MAGI2: variants seen among roughly 807,000 people sequenced by gnomAD.
MAGI2 encodes membrane associated guanylate kinase, WW and PDZ domain containing 2, also known as membrane-associated guanylate kinase, WW and PDZ domain-containing protein 2.
In MAGI2, 35 loss-of-function variants were observed where a neutral mutation model predicts 133.3. The ratio of observed to expected loss-of-function variants is 0.26; its 90% CI spans 0.20 to 0.35. The LOEUF is 0.35. MAGI2 is among the 10% of genes least tolerant of loss of function. The pLI is 1.00. For missense variants in MAGI2, 1,636 were observed against 1,863.4 expected, an observed-to-expected ratio of 0.88 and a Z score of 2.25; for synonymous variants, 729 against 710.6, an observed-to-expected ratio of 1.03 and a Z score of -0.41.
At chr7:78,237,593 A>G (rs1430777608) in intron 10 of MAGI2, among the ~76,000 whole-genome samples, 1 of 152,184 alleles carries the variant, frequency 6.6e-6, no homozygotes, top group Non-Finnish European at 1.5e-5. Flanking sequence ...GAAACTTACC[A>G]CAAACAACAA....
chr7:79,435,969 A>T (rs138706926), intron 1 of MAGI2, among the ~76,000 whole-genome samples: 1 of 152,100 alleles, frequency 6.6e-6, no homozygotes, highest in Admixed American at 6.5e-5. Context: ...AAAGCTTCAC[A>T]CCTATACCAA....
intron 9 of MAGI2, among the ~76,000 whole-genome samples, chr7:78,316,808 T>G (rs1787454904): frequency 6.6e-6 from 1 of 152,182 alleles, no homozygotes; most frequent in Non-Finnish European, 1.5e-5. Flanking sequence ...TTTTATAAAC[T>G]ATATAGGACA....
At chr7:78,441,355 G>A (rs1441924144) in intron 6 of MAGI2, among the ~76,000 whole-genome samples, 2 of 152,194 alleles carry the variant, frequency 1.3e-5, no homozygotes, top group Non-Finnish European at 2.9e-5. Flanking sequence ...ATAGAAATTT[G>A]TGGGGTAAAG....
At chr7:78,998,369 A>G (rs1783945180) in intron 2 of MAGI2, among the ~76,000 whole-genome samples, 1 of 152,168 alleles carries the variant, frequency 6.6e-6, no homozygotes, top group South Asian at 2.1e-4. Flanking sequence ...TCAGAAAACC[A>G]CAGGATTTTA....
At chr7:79,040,738 C>T (rs1460448296) in intron 1 of MAGI2, among the ~76,000 whole-genome samples, 1 of 152,126 alleles carries the variant, frequency 6.6e-6, no homozygotes, top group African/African-American at 2.4e-5. Flanking sequence ...CCCCCGCTTG[C>T]ACTCACTCCA....
chr7:79,278,304 AT>A (rs1585408821), intron 1 of MAGI2, among the ~76,000 whole-genome samples: 1 of 152,274 alleles, frequency 6.6e-6, no homozygotes, highest in East Asian at 1.9e-4. Flanking sequence ...AGCCAAACAG[AT>A]GCTGGTGCCA....
intron 2 of MAGI2, among the ~76,000 whole-genome samples, chr7:78,658,155 A>G (rs1158213419): frequency 6.6e-6 from 1 of 152,188 alleles, no homozygotes; most frequent in Non-Finnish European, 1.5e-5. Context: ...TACAAGTTCA[A>G]TTACACAGAA....
intron 2 of MAGI2, among the ~76,000 whole-genome samples, chr7:78,699,178 T>TGGCTCAATGCAATCTCTGCCTTGCG (rs1817816323): frequency 1.3e-5 from 2 of 152,126 alleles, no homozygotes; most frequent in South Asian, 4.2e-4. Context: ...GGCATGATCT[T>TGGCTCAATGCAATCTCTGCCTTGCG]GGCTCAATGC....
intron 1 of MAGI2, among the ~76,000 whole-genome samples, chr7:79,200,013 T>C (rs952402792): frequency 1.3e-5 from 2 of 151,826 alleles, no homozygotes; most frequent in Non-Finnish European, 2.9e-5. Context: ...TTGAGAGACA[T>C]GGACACCGAG....
intron 1 of MAGI2, among the ~76,000 whole-genome samples, chr7:79,075,864 A>G (rs1815417318): frequency 6.6e-6 from 1 of 152,200 alleles, no homozygotes; most frequent in African/African-American, 2.4e-5. Context: ...GTTGTAAACA[A>G]CACCACATAA....
chr7:79,152,840 C>A (rs975564536), intron 1 of MAGI2, among the ~76,000 whole-genome samples: 9 of 152,172 alleles, frequency 5.9e-5, no homozygotes, highest in Admixed American at 1.3e-4. Context: ...GAACTTTCAT[C>A]TCTATCTCCA....
At chr7:78,023,228 A>G (rs1427040684) in intron 21 of MAGI2, among the ~76,000 whole-genome samples, 7 of 152,224 alleles carry the variant, frequency 4.6e-5, no homozygotes, top group Non-Finnish European at 1.0e-4. Flanking sequence ...CTGGACAGGA[A>G]GAGCCCTTCT....
chr7:78,412,224 T>C (rs1389370483), intron 6 of MAGI2, among the ~76,000 whole-genome samples: 1 of 152,034 alleles, frequency 6.6e-6, no homozygotes, highest in Non-Finnish European at 1.5e-5. Flanking sequence ...AGAAGGGTTA[T>C]GAGTTAGCTT....
intron 2 of MAGI2, among the ~76,000 whole-genome samples, chr7:78,665,596 A>G (rs149619291): frequency 0.03 from 4,610 of 152,264 alleles, 90 homozygotes; most frequent in Non-Finnish European, 0.046. Context: ...CTTGAAAACT[A>G]TGCTGTTTGG....
chr7:78,133,746 C>T (rs960650619), intron 17 of MAGI2, among the ~76,000 whole-genome samples: 3 of 152,170 alleles, frequency 2.0e-5, no homozygotes, highest in Non-Finnish European at 4.4e-5. Flanking sequence ...AGATTTTCAG[C>T]GAGCAATCTT....
intron 11 of MAGI2, among the ~76,000 whole-genome samples, chr7:78,199,926 G>T (rs1028660335): frequency 1.3e-5 from 2 of 152,168 alleles, no homozygotes; most frequent in Non-Finnish European, 2.9e-5. Context: ...TGATGAGGTC[G>T]CAAGGTTCCT....
At chr7:79,422,119 C>T (rs191491428) in intron 1 of MAGI2, among the ~76,000 whole-genome samples, 1 of 152,024 alleles carries the variant, frequency 6.6e-6, no homozygotes, top group African/African-American at 2.4e-5. Context: ...TTGGTCAATT[C>T]TGAAATGGTA....
intron 2 of MAGI2, among the ~76,000 whole-genome samples, chr7:78,696,924 C>G (rs534675893): frequency 3.4e-4 from 51 of 152,130 alleles, no homozygotes; most frequent in Non-Finnish European, 5.9e-4. Flanking sequence ...TTCTAGAGAC[C>G]ACCAATCCAG....
intron 4 of MAGI2, 101 bp downstream of exon 4, chr7:78,521,329 C>T: frequency 1.4e-6 from 1 of 719,378 alleles, no homozygotes; most frequent in East Asian, 2.7e-5. Flanking sequence ...ATTTATCTTA[C>T]TATGTATCTG....
Sources: gnomAD v4.1 joint callset for allele counts (sites outside exome capture counted in the v4.1 genomes callset) on GRCh38, gnomAD v4.1.1 for gene constraint, MANE v1.5 for transcripts, NCBI Gene and HGNC (gene_info 2026-07-23, HGNC 2026-07-21) for gene names.